The following PAM variants were observed in gnomAD, a reference collection of about 807,000 sequenced individuals.
PAM encodes the protein peptidyl-glycine alpha-amidating monooxygenase.
PAM carries 72 observed loss-of-function variants against 122.1 expected under a neutral mutation model. The ratio of observed to expected loss-of-function variants is 0.59; its 90% CI spans 0.49 to 0.72. The LOEUF (loss-of-function observed/expected upper bound fraction) is 0.72. Ranked by LOEUF, PAM falls within the 30% of genes least tolerant of loss-of-function variation. The probability of loss-of-function intolerance (pLI) is 0.00; values close to 1 mark genes in which losing one functional copy is unlikely to be tolerated. For missense variants in PAM, 1,106 were observed against 1,183.7 expected, an observed-to-expected ratio of 0.93 and a Z score of 0.96; for synonymous variants, 389 against 404.4, an observed-to-expected ratio of 0.96 and a Z score of 0.46.
chr5:102,829,781 T>A (rs1185631892), intron 1 of PAM, among the ~76,000 whole-genome samples: 3 of 152,184 alleles, frequency 2.0e-5, no homozygotes, highest in African/African-American at 7.2e-5. Context: ...TCTTTAAAAA[T>A]CTCAGAATCT....
rs556539129 is a variant in PAM at position 102,760,831 on chromosome 5, TG to T, written c.-374+5487del. ...TATACAGTACTTAGTTCAGGCCTCT[TG>T]GGGAAAAGAAAAGTGGAAAAGTATC... On this transcript the variant is annotated intron_variant, in intron 1 of 25. Transcript: ENST00000438793. 3.5e-3 allele frequency among the ~76,000 whole-genome samples: 535 copies of T among 152,288 alleles called. 1 individual carries two copies. Among genetic ancestry groups the T allele is most frequent in the African/African-American group, 0.012 (488 of 41,556 alleles).
intron 17 of PAM, 46 bp downstream of exon 17, chr5:103,003,195 G>A (rs369489184): frequency 1.1e-6 from 1 of 869,958 alleles, no homozygotes; most frequent in African/African-American, 1.6e-5. Flanking sequence ...TACATATATT[G>A]AGTATAAAGT....
chr5:102,884,154 G>A (rs1480220506), intron 3 of PAM, among the ~76,000 whole-genome samples: 1 of 151,848 alleles, frequency 6.6e-6, no homozygotes, highest in African/African-American at 2.4e-5. Flanking sequence ...TTCCCTTGGC[G>A]AGGTAGCAAT....
rs371992513 is a variant in PAM at position 102,974,097 on chromosome 5, T to C, written c.1163-19T>C. 6.3e-7 allele frequency: 1 copy of C among 1,592,750 alleles called. No individual in the cohort carries two copies. The highest frequency in any genetic ancestry group is 8.6e-7 in the Non-Finnish European group (1 of 1,163,780). ...CTTATCTACCCTCCACGCCCTTATCTCTTCTCTTTTTTCCACAGGTGATTT... is the reference window on the plus strand; with the variant it reads ...CTTATCTACCCTCCACGCCCTTATCCCTTCTCTTTTTTCCACAGGTGATTT... On this transcript the variant is annotated intron_variant, in intron 14 of 25. Transcript: ENST00000438793.
chr5:102,843,142 A>G (rs1779077299), intron 1 of PAM, among the ~76,000 whole-genome samples: 1 of 152,362 alleles, frequency 6.6e-6, no homozygotes, highest in East Asian at 1.9e-4. Flanking sequence ...GACTTGACCC[A>G]TGAGTAAATG....
At chr5:102,978,734 C>T (rs903467152) in intron 15 of PAM, among the ~76,000 whole-genome samples, 32 of 151,846 alleles carry the variant, frequency 2.1e-4, no homozygotes, top group African/African-American at 7.3e-4. Flanking sequence ...TATATTTCAG[C>T]CATAGTCTTA....
intron 1 of PAM, among the ~76,000 whole-genome samples, chr5:102,833,064 T>C (rs1775912082): frequency 6.6e-6 from 1 of 152,108 alleles, no homozygotes; most frequent in African/African-American, 2.4e-5. Flanking sequence ...TGACATTTAG[T>C]CAATACCTGA....
intron 3 of PAM, among the ~76,000 whole-genome samples, chr5:102,894,040 GA>G (rs1025305489): frequency 2.0e-5 from 3 of 151,638 alleles, no homozygotes; most frequent in African/African-American, 7.3e-5. Context: ...GAACTGGTGG[GA>G]AAACTTTGTG....
At chr5:102,828,028 C>A (rs956935543) in intron 1 of PAM, among the ~76,000 whole-genome samples, 3 of 151,870 alleles carry the variant, frequency 2.0e-5, no homozygotes, top group African/African-American at 7.3e-5. Flanking sequence ...TGAAACTATT[C>A]TCAATTCTTT....
intron 1 of PAM, among the ~76,000 whole-genome samples, chr5:102,757,811 C>T (rs403861): frequency 0.47 from 71,715 of 151,458 alleles, 17,445 homozygotes; most frequent in African/African-American, 0.58. Context: ...GAGGCTGAGG[C>T]GGGAGTATTG....
intron 7 of PAM, among the ~76,000 whole-genome samples, chr5:102,938,118 T>C (rs1399117871): frequency 1.3e-5 from 2 of 152,212 alleles, no homozygotes; most frequent in Non-Finnish European, 2.9e-5. Flanking sequence ...ATTTTAGGAC[T>C]ATTTAGTACC....
intron 3 of PAM, among the ~76,000 whole-genome samples, chr5:102,874,505 G>A (rs1001403282): frequency 6.6e-6 from 1 of 150,912 alleles, no homozygotes; most frequent in Non-Finnish European, 1.5e-5. Context: ...TACATATCTG[G>A]GTTCAGAACT....
chr5:102,937,283 C>T (rs1260925190), intron 7 of PAM, among the ~76,000 whole-genome samples: 1 of 152,052 alleles, frequency 6.6e-6, no homozygotes, highest in Non-Finnish European at 1.5e-5. Context: ...AATTTATATT[C>T]CTTCATTTTT....
Position 102,810,073 on chromosome 5 carries a change from T to C in PAM, c.-374+54725T>C, listed in dbSNP as rs76592033. Among the ~76,000 whole-genome samples, 1,273 of 152,324 alleles carry C rather than the reference T, an allele frequency of 8.4e-3. 17 individuals carry two copies. Among genetic ancestry groups the C allele is most frequent in the African/African-American group, 0.029 (1,208 of 41,574 alleles). The stretch of plus-strand genomic sequence containing the variant: ...CATTAAAACACTCACCTAATACTTA[T>C]GTTGGAAACAAGAATAATATAGTCT... On this transcript the variant is annotated intron_variant, in intron 1 of 25. Transcript: ENST00000438793.
At chr5:102,856,247 G>A (rs1782586971) in intron 1 of PAM, among the ~76,000 whole-genome samples, 3 of 152,108 alleles carry the variant, frequency 2.0e-5, no homozygotes. Flanking sequence ...ACTCAACAAT[G>A]TTTCAAGGAG....
At chr5:102,966,995 T>G (rs1192416963) in intron 14 of PAM, among the ~76,000 whole-genome samples, 1 of 77,468 alleles carries the variant, frequency 1.3e-5, no homozygotes, top group Non-Finnish European at 3.2e-5. Flanking sequence ...ATTAGATACT[T>G]TTTTTTTTCT....
chr5:102,863,711 A>G (rs912439643), intron 1 of PAM, among the ~76,000 whole-genome samples: 1 of 150,986 alleles, frequency 6.6e-6, no homozygotes, highest in Admixed American at 6.6e-5. Flanking sequence ...ATCTTAAATA[A>G]GAATACTAAT....
chr5:102,897,739 A>G (rs1796604503), intron 3 of PAM, among the ~76,000 whole-genome samples: 1 of 151,658 alleles, frequency 6.6e-6, no homozygotes, highest in South Asian at 2.1e-4. Flanking sequence ...TAAGAAAGGT[A>G]GTCTGGGAGG....
chr5:102,977,658 G>A (rs1025828012), intron 15 of PAM, among the ~76,000 whole-genome samples: 86 of 143,048 alleles, frequency 6.0e-4, no homozygotes, highest in South Asian at 1.4e-3. Flanking sequence ...ATGCATGTGC[G>A]CACACACACA....
Sources: gnomAD v4.1 joint callset for allele counts (sites outside exome capture counted in the v4.1 genomes callset) on GRCh38, gnomAD v4.1.1 for gene constraint, MANE v1.5 for transcripts, NCBI Gene and HGNC (gene_info 2026-07-23, HGNC 2026-07-21) for gene names.